The following ARHGAP15 variants were observed in gnomAD, a reference collection of about 807,000 sequenced individuals.
The protein encoded by ARHGAP15 is Rho GTPase activating protein 15.
In ARHGAP15, 51 loss-of-function variants were observed where a neutral mutation model predicts 63.7. The ratio of observed to expected loss-of-function variants is 0.80; its 90% CI spans 0.64 to 1.01. The LOEUF (loss-of-function observed/expected upper bound fraction) is 1.01, where lower values mean the gene tolerates loss of function less well. ARHGAP15 is among the 50% of genes least tolerant of loss of function. ARHGAP15 has a pLI of 0.00. For synonymous variants in ARHGAP15, 191 were observed against 193.8 expected, an observed-to-expected ratio of 0.99 and a Z score of 0.12; for missense variants, 560 against 564.6, an observed-to-expected ratio of 0.99 and a Z score of 0.08.
chr2:143,337,351 T>C (rs999637248), intron 6 of ARHGAP15, among the ~76,000 whole-genome samples: 14 of 152,158 alleles, frequency 9.2e-5, no homozygotes, highest in African/African-American at 3.1e-4. Flanking sequence ...TGAAGTTCAA[T>C]GGGAAGCCAT....
At position 143,400,009 on chromosome 2, in the gene ARHGAP15, C is replaced by T. The variant is rs554263368; in HGVS notation, c.475-35592C>T. ...TCAGATCCTCAAAGTCACATCAGCA[C>T]ACACCCAAGTCTAGTTCATATCACT... On this transcript the variant is annotated intron_variant, in intron 6 of 13. Coordinates refer to ENST00000295095, the MANE Select transcript of ARHGAP15 (RefSeq NM_018460.4). Among the ~76,000 whole-genome samples, 3 of 152,156 alleles carry T rather than the reference C, an allele frequency of 2.0e-5. No individual in the cohort carries two copies. In the South Asian group the frequency reaches 6.2e-4, roughly 32 times the overall value.
At chr2:143,247,138 C>A (rs906680703) in intron 5 of ARHGAP15, among the ~76,000 whole-genome samples, 5 of 152,284 alleles carry the variant, frequency 3.3e-5, no homozygotes, top group Admixed American at 2.0e-4. Flanking sequence ...GTGAGGAACA[C>A]CTGAGCCCTC....
chr2:143,705,504 G>T (rs773020126), intron 13 of ARHGAP15, among the ~76,000 whole-genome samples: 16 of 152,188 alleles, frequency 1.1e-4, no homozygotes, highest in Non-Finnish European at 1.9e-4. Flanking sequence ...CATATAAAAC[G>T]CCTGGCACAA....
chr2:143,660,854 A>G (rs1455245679), intron 12 of ARHGAP15, among the ~76,000 whole-genome samples: 1 of 152,204 alleles, frequency 6.6e-6, no homozygotes, highest in Non-Finnish European at 1.5e-5. Flanking sequence ...CCCACGTTCT[A>G]TTAGTTTTCT....
intron 13 of ARHGAP15, among the ~76,000 whole-genome samples, chr2:143,735,226 G>C (rs1488775004): frequency 6.6e-6 from 1 of 152,048 alleles, no homozygotes; most frequent in Non-Finnish European, 1.5e-5. Flanking sequence ...ACCTATCTTA[G>C]GCTTCCATAG....
chr2:143,665,974 G>A (rs1295474838), intron 12 of ARHGAP15, among the ~76,000 whole-genome samples: 48 of 147,780 alleles, frequency 3.2e-4, no homozygotes, highest in Non-Finnish European at 5.7e-4. Context: ...AATCAATATC[G>A]TGAAAATGGC....
At chr2:143,464,491 C>T (rs527598992) in intron 8 of ARHGAP15, among the ~76,000 whole-genome samples, 51 of 152,090 alleles carry the variant, frequency 3.4e-4, no homozygotes, top group African/African-American at 1.2e-3. Context: ...CCTTAAAAAG[C>T]ATAAATAAAT....
At chr2:143,735,517 G>A (rs1182493478) in intron 13 of ARHGAP15, among the ~76,000 whole-genome samples, 1 of 152,188 alleles carries the variant, frequency 6.6e-6, no homozygotes, top group Non-Finnish European at 1.5e-5. Flanking sequence ...GTACTCAGGG[G>A]CAAGTAAGCT....
intron 6 of ARHGAP15, among the ~76,000 whole-genome samples, chr2:143,302,124 G>A (rs1046265774): frequency 7.9e-5 from 12 of 151,868 alleles, no homozygotes; most frequent in Admixed American, 5.9e-4. Context: ...CCAAATAGAC[G>A]TAACCTCTTT....
chr2:143,402,631 C>T (rs1688031551), intron 6 of ARHGAP15, among the ~76,000 whole-genome samples: 1 of 151,786 alleles, frequency 6.6e-6, no homozygotes, highest in Admixed American at 6.6e-5. Context: ...ATCCTTTCTG[C>T]TCTGTGTGCG....
rs573493610 is a variant in ARHGAP15, at chr2:143,223,961, TA to T, written c.297-4619del. 4.3e-4 allele frequency among the ~76,000 whole-genome samples: 65 copies of T among 152,376 alleles called. 1 individual carries two copies. In the South Asian group the frequency reaches 0.013, roughly 30 times the overall value. ...TCCATGTTTATTGTCCATCTTCTTG[TA>T]GTTAGAAGTACAGTTTTTGAGGAAT... On this transcript the variant is annotated intron_variant, in intron 4 of 13. Transcript: ENST00000295095.
chr2:143,599,191 C>T (rs1293359993), intron 11 of ARHGAP15, among the ~76,000 whole-genome samples: 1 of 152,084 alleles, frequency 6.6e-6, no homozygotes, highest in Non-Finnish European at 1.5e-5. Context: ...TGGAGTAAAT[C>T]ATGTATTTGT....
At chr2:143,307,129 A>G (rs1364754056) in intron 6 of ARHGAP15, among the ~76,000 whole-genome samples, 1 of 152,064 alleles carries the variant, frequency 6.6e-6, no homozygotes, top group African/African-American at 2.4e-5. Flanking sequence ...GCAGGAGAAT[A>G]TTGCTTCTAT....
intron 6 of ARHGAP15, among the ~76,000 whole-genome samples, chr2:143,387,313 T>C (rs947871159): frequency 2.0e-5 from 3 of 152,200 alleles, no homozygotes; most frequent in Non-Finnish European, 4.4e-5. Flanking sequence ...CTGATACCAC[T>C]GATAATAAGT....
chr2:143,152,983 A>G (rs1270819582), intron 1 of ARHGAP15, among the ~76,000 whole-genome samples: 2 of 152,032 alleles, frequency 1.3e-5, no homozygotes, highest in African/African-American at 4.8e-5. Context: ...GCTTGTCCCC[A>G]TGAAAACAGA....
At chr2:143,591,614 C>CTTTTTTTTTTTTTTTTTTTTTTTTTTTTT in intron 11 of ARHGAP15, among the ~76,000 whole-genome samples, 1 of 124,108 alleles carries the variant, frequency 8.1e-6, no homozygotes, top group South Asian at 2.3e-4. Flanking sequence ...TTTGTTTGTT[C>CTTTTTTTTTTTTTTTTTTTTTTTTTTTTT]TTTTTTTTTT....
intron 6 of ARHGAP15, among the ~76,000 whole-genome samples, chr2:143,361,109 G>A (rs1686033024): frequency 1.3e-5 from 2 of 152,090 alleles, no homozygotes; most frequent in Admixed American, 6.5e-5. Context: ...TGCAGAGAGA[G>A]AAGCTATATC....
At chr2:143,593,980 A>C (rs1697414572) in intron 11 of ARHGAP15, among the ~76,000 whole-genome samples, 1 of 152,222 alleles carries the variant, frequency 6.6e-6, no homozygotes. Flanking sequence ...AAACTGATAT[A>C]TTATTTAACT....
At chr2:143,267,042 C>T (rs534085186) in intron 6 of ARHGAP15, among the ~76,000 whole-genome samples, 26 of 152,244 alleles carry the variant, frequency 1.7e-4, no homozygotes, top group South Asian at 6.2e-4. Flanking sequence ...GCATATGTCA[C>T]GTCTGTCTTC....
Sources: allele counts gnomAD v4.1 joint callset (sites outside exome capture counted in the v4.1 genomes callset), GRCh38; gene constraint gnomAD v4.1.1; transcripts MANE v1.5; gene names NCBI Gene and HGNC (gene_info 2026-07-23, HGNC 2026-07-21).